Variants in ZBTB20 observed in about 807,000 individuals in gnomAD.
ZBTB20 encodes the protein zinc finger and BTB domain containing 20.
In ZBTB20, 9 loss-of-function variants were observed where a neutral mutation model predicts 56.9. That is an observed-to-expected ratio of 0.16 (90% CI 0.10 to 0.28). The LOEUF is 0.28. Ranked by LOEUF, ZBTB20 falls within the 10% of genes least tolerant of loss-of-function variation. ZBTB20 has a pLI of 1.00. For synonymous variants in ZBTB20, 417 were observed against 420.7 expected, an observed-to-expected ratio of 0.99 and a Z score of 0.11; for missense variants, 655 against 1,003.0, an observed-to-expected ratio of 0.65 and a Z score of 4.69.
chr3:114,620,848 G>C (rs1025992239), intron 6 of ZBTB20, among the ~76,000 whole-genome samples: 1 of 152,166 alleles, frequency 6.6e-6, no homozygotes, highest in Non-Finnish European at 1.5e-5. Flanking sequence ...ACCAGTGTCA[G>C]ATCACTTTTA....
Position 114,915,190 on chromosome 3 carries a change from G to A in ZBTB20, c.-455-14848C>T, listed in dbSNP as rs140862478. Among the ~76,000 whole-genome samples the A allele has an allele frequency of 2.6e-5, 4 of 151,820 alleles. No homozygotes were observed. The East Asian group carries it at 7.7e-4, about 29-fold the overall frequency. ...GTTTGGTAAAATTCAGCAGTAAAGC[G>A]ATCAGGTCCCAGGGTTTCCTTTGCT... On this transcript the variant is annotated intron_variant, in intron 3 of 11. Coordinates refer to ENST00000675478, the MANE Select transcript of ZBTB20 (RefSeq NM_001348800.3).
chr3:115,061,860 A>G (rs2082024094), intron 2 of ZBTB20, among the ~76,000 whole-genome samples: 1 of 152,198 alleles, frequency 6.6e-6, no homozygotes, highest in Admixed American at 6.5e-5. Flanking sequence ...TTTCAGTGTG[A>G]TTATATCTGA....
intron 1 of ZBTB20, among the ~76,000 whole-genome samples, chr3:115,085,057 CAAAA>C (rs2082935168): frequency 6.6e-6 from 1 of 151,522 alleles, no homozygotes; most frequent in Non-Finnish European, 1.5e-5. Flanking sequence ...TCATCTTTTC[CAAAA>C]AAAGATATTC....
At chr3:114,547,140 C>T (rs1203780958) in intron 6 of ZBTB20, among the ~76,000 whole-genome samples, 1 of 151,978 alleles carries the variant, frequency 6.6e-6, no homozygotes, top group Non-Finnish European at 1.5e-5. Context: ...AAAAGGAGGC[C>T]AAGAAGGATA....
At chr3:114,903,252 GATC>G (rs1184853056) in intron 3 of ZBTB20, among the ~76,000 whole-genome samples, 1 of 152,036 alleles carries the variant, frequency 6.6e-6, no homozygotes, top group Admixed American at 6.6e-5. Context: ...GTAAAATGGT[GATC>G]ATGTTACTCA....
intron 3 of ZBTB20, among the ~76,000 whole-genome samples, chr3:114,944,368 T>C (rs2076818466): frequency 6.9e-6 from 1 of 145,760 alleles, no homozygotes; most frequent in Non-Finnish European, 1.5e-5. Context: ...GAAACTCTCA[T>C]ACACTGTTGG....
rs1387669579 is a variant in ZBTB20, at chr3:114,327,001, AAAG to A, written c.*12001_*12003del. 1 of 152,160 alleles carries A rather than the reference AAAG, an allele frequency of 6.6e-6. No homozygotes were observed. Among genetic ancestry groups the A allele is most frequent in the Non-Finnish European group, 1.5e-5 (1 of 68,012 alleles). The allele number at this position is 152,160 out of a possible 1,614,324, so 9.4% of individuals were successfully genotyped here. Reference sequence around the variant, plus strand: ...GAGCAAAGCAAGCTTTTCCTGGAGAAAAGAAGAAAAAAAAATCTTCCTATCCTC... The same window carrying A: ...GAGCAAAGCAAGCTTTTCCTGGAGAAAAGAAAAAAAAATCTTCCTATCCTC... On this transcript the variant is annotated 3_prime_UTR_variant, in exon 12 of 12. Transcript: ENST00000675478.
At position 114,768,618 on chromosome 3, in the gene ZBTB20, C is replaced by T. The variant is rs947118586; in HGVS notation, c.-343+32483G>A. Among the ~76,000 whole-genome samples the T allele has an allele frequency of 5.9e-5, 9 of 152,118 alleles. No individual in the cohort carries two copies. The South Asian group carries it at 1.5e-3, about 25-fold the overall frequency. On this transcript the variant is annotated intron_variant, in intron 5 of 11. Coordinates refer to ENST00000675478, the MANE Select transcript of ZBTB20 (RefSeq NM_001348800.3). The stretch of plus-strand genomic sequence containing the variant: ...TAAGAGGAAACAGACCTTGCCTTAA[C>T]TGTACTAATGGGAATTGTTTATATT...
chr3:114,489,073 A>G (rs963828350), intron 7 of ZBTB20, among the ~76,000 whole-genome samples: 6 of 152,328 alleles, frequency 3.9e-5, no homozygotes, highest in Middle Eastern at 3.4e-3. Flanking sequence ...AATAGTGATT[A>G]TCTCTGGGCT....
In ZBTB20 at chr3:114,918,082, C is replaced by T. The variant is rs112881162; in HGVS notation, c.-455-17740G>A. 6.2e-3 allele frequency among the ~76,000 whole-genome samples: 943 copies of T among 152,184 alleles called. 8 individuals carry two copies. Among genetic ancestry groups the T allele is most frequent in the African/African-American group, 0.021 (892 of 41,512 alleles). ...CCATTCTACTGCAGCTGAGCTGGCA[C>T]GCAAGCCACAAGACAAGTCTTTTCC... On this transcript the variant is annotated intron_variant, in intron 3 of 11. Transcript: ENST00000675478.
At chr3:114,853,610 G>A (rs1401832973) in intron 4 of ZBTB20, among the ~76,000 whole-genome samples, 2 of 152,186 alleles carry the variant, frequency 1.3e-5, no homozygotes. Context: ...GTGTCCTGTT[G>A]TAAGGTGTCA....
chr3:114,567,454 T>C (rs2052909805), intron 6 of ZBTB20, among the ~76,000 whole-genome samples: 1 of 152,180 alleles, frequency 6.6e-6, no homozygotes, highest in African/African-American at 2.4e-5. Context: ...CTCCATCTCC[T>C]TCATATATTG....
rs145501771 is a variant in ZBTB20 at position 114,982,767 on chromosome 3, C to T, written c.-506-8351G>A. Among the ~76,000 whole-genome samples, 14 of 152,052 alleles carry T rather than the reference C, an allele frequency of 9.2e-5. No individual in the cohort carries two copies. The East Asian group carries it at 2.3e-3, about 25-fold the overall frequency. On this transcript the variant is annotated intron_variant, in intron 2 of 11. Transcript: ENST00000675478. ...TGTTAGTGTGCTGCACCCAGTAACT[C>T]GTCATTTTTTAAAAATCTTTGTCCT...
chr3:114,721,054 T>C (rs537978103), intron 5 of ZBTB20, among the ~76,000 whole-genome samples: 2 of 151,994 alleles, frequency 1.3e-5, no homozygotes, highest in Non-Finnish European at 2.9e-5. Flanking sequence ...AAGCAGAAAA[T>C]TGAGATATGT....
At chr3:114,929,025 G>GT (rs2076259410) in intron 3 of ZBTB20, among the ~76,000 whole-genome samples, 1 of 152,182 alleles carries the variant, frequency 6.6e-6, no homozygotes, top group Non-Finnish European at 1.5e-5. Flanking sequence ...GCTTTAGTGA[G>GT]TTTATAATAT....
intron 4 of ZBTB20, among the ~76,000 whole-genome samples, chr3:114,804,362 T>C (rs1428118327): frequency 3.9e-5 from 6 of 151,908 alleles, no homozygotes; most frequent in African/African-American, 1.4e-4. Context: ...TATCACCAGG[T>C]CACAGAACTT....
intron 6 of ZBTB20, among the ~76,000 whole-genome samples, chr3:114,570,820 A>G (rs1334614894): frequency 1.3e-5 from 2 of 152,166 alleles, no homozygotes; most frequent in African/African-American, 4.8e-5. Context: ...TTGGACTGAG[A>G]TAATTAAATT....
intron 6 of ZBTB20, among the ~76,000 whole-genome samples, chr3:114,545,147 G>C (rs757605858): frequency 6.6e-6 from 1 of 152,096 alleles, no homozygotes; most frequent in Non-Finnish European, 1.5e-5. Context: ...TATGCTTCTG[G>C]GTAGTCTAGT....
At chr3:114,367,789 A>C (rs1031703408) in intron 10 of ZBTB20, among the ~76,000 whole-genome samples, 14 of 151,888 alleles carry the variant, frequency 9.2e-5, no homozygotes, top group South Asian at 4.2e-4. Context: ...GGAAAAAAAA[A>C]CATACAAATG....
Sources: allele counts gnomAD v4.1 joint callset (sites outside exome capture counted in the v4.1 genomes callset), GRCh38; gene constraint gnomAD v4.1.1; transcripts MANE v1.5; gene names NCBI Gene and HGNC (gene_info 2026-07-23, HGNC 2026-07-21).